Variants in NOTCH2 observed in about 807,000 individuals in gnomAD.
The protein encoded by NOTCH2 is neurogenic locus notch homolog protein 2.
NOTCH2 carries 29 observed loss-of-function variants against 235.8 expected under a neutral mutation model. The observed-to-expected ratio is 0.12, with a 90% CI of 0.09 to 0.17. The LOEUF is 0.17. Ranked by LOEUF, NOTCH2 falls within the 10% of genes least tolerant of loss-of-function variation. The pLI is 1.00. For missense variants in NOTCH2, 2,285 were observed against 3,150.2 expected (o/e 0.73, Z 6.57); for synonymous variants, 1,086 against 1,141.5 (o/e 0.95, Z 0.98).
intron 23 of NOTCH2, among the ~76,000 whole-genome samples, chr1:119,928,410 C>T (rs1291831737): frequency 6.6e-6 from 1 of 152,144 alleles, no homozygotes; most frequent in African/African-American, 2.4e-5. Flanking sequence ...TCTCTGAGTC[C>T]TAGGGGTGGA....
chr1:119,919,933 A>G (rs587769482), intron 30 of NOTCH2, among the ~76,000 whole-genome samples: 1 of 152,350 alleles, frequency 6.6e-6, no homozygotes, highest in South Asian at 2.1e-4. Context: ...TACATGCATA[A>G]GATACTAACT....
intron 22 of NOTCH2, 51 bp downstream of exon 22, chr1:119,935,421 A>G (rs782343792): frequency 1.2e-6 from 2 of 1,614,022 alleles, no homozygotes; most frequent in Non-Finnish European, 1.7e-6. Context: ...GAATGGATTT[A>G]TAACTTAAGA....
intron 1 of NOTCH2, among the ~76,000 whole-genome samples, chr1:120,045,451 A>T (rs868914422): frequency 8.5e-6 from 1 of 117,234 alleles, no homozygotes; most frequent in Non-Finnish European, 1.5e-5. Flanking sequence ...CTTACTTGCT[A>T]GTTAAGGTGG....
intron 17 of NOTCH2, among the ~76,000 whole-genome samples, chr1:119,944,144 AT>A (rs1471881642): frequency 3.3e-5 from 5 of 152,232 alleles, no homozygotes; most frequent in African/African-American, 9.6e-5. Context: ...TTTGAAAAAA[AT>A]AATGGCTAAA....
chr1:119,960,469 A>C (rs1557822854), intron 11 of NOTCH2, among the ~76,000 whole-genome samples: 2 of 150,188 alleles, frequency 1.3e-5, no homozygotes, highest in Non-Finnish European at 3.0e-5. Context: ...ATATATTTGT[A>C]ATATATTTCA....
intron 1 of NOTCH2, among the ~76,000 whole-genome samples, chr1:120,048,305 T>C (rs28406399): frequency 7.2e-6 from 1 of 138,540 alleles, no homozygotes; most frequent in East Asian, 2.0e-4. Flanking sequence ...TATTCTACCC[T>C]TTTTTCCCCC....
At chr1:119,960,785 C>A (rs781938555) in intron 11 of NOTCH2, among the ~76,000 whole-genome samples, 8 of 152,006 alleles carry the variant, frequency 5.3e-5, no homozygotes, top group African/African-American at 1.2e-4. Context: ...GCTATCCCCC[C>A]ACCTCAGCCT....
In NOTCH2 at chr1:119,913,512, C is replaced by T. The variant is rs1648958059; in HGVS notation, c.*1794G>A. ...TATTTTGCAGGTGTCATGGGCATCA[C>T]AGCACTGGACGGAAGTTGCAGTGTA... On this transcript the variant is annotated 3_prime_UTR_variant, in exon 34 of 34. Transcript: ENST00000256646. 8.6e-6 allele frequency: 2 copies of T among 233,264 alleles called. No homozygotes were observed. Among genetic ancestry groups the T allele is most frequent in the East Asian group, 1.2e-4 (2 of 16,578 alleles). 14.4% of individuals were successfully genotyped at this position (233,264 alleles called of 1,614,324 possible). A position where few individuals can be genotyped will look rare whatever the true frequency, so the allele number is the denominator to read the frequency against.
intron 5 of NOTCH2, among the ~76,000 whole-genome samples, chr1:119,971,573 C>A (rs1651362379): frequency 6.6e-6 from 1 of 152,126 alleles, no homozygotes; most frequent in African/African-American, 2.4e-5. Flanking sequence ...GTAAACCCAA[C>A]ATTTTGGGAG....
chr1:119,970,130 G>A (rs1282552744), intron 5 of NOTCH2, among the ~76,000 whole-genome samples: 2 of 152,024 alleles, frequency 1.3e-5, no homozygotes, highest in Non-Finnish European at 2.9e-5. Flanking sequence ...GAACCTATAT[G>A]CCAAACATTA....
chr1:120,029,479 T>A (rs1654009868), intron 2 of NOTCH2, among the ~76,000 whole-genome samples: 1 of 151,076 alleles, frequency 6.6e-6, no homozygotes. Flanking sequence ...GCCTCCCGAG[T>A]AGCTGGGACT....
At chr1:119,948,651 T>A (rs1650346578) in intron 16 of NOTCH2, 85 bp from the exon 17 acceptor site, 1 of 1,471,090 alleles carries the variant, frequency 6.8e-7, no homozygotes, top group Non-Finnish European at 9.5e-7. Context: ...TTAGTTGGGG[T>A]GCATGGAGCT....
At chr1:119,932,615 C>CAAA (rs72280549) in intron 22 of NOTCH2, among the ~76,000 whole-genome samples, 2 of 126,060 alleles carry the variant, frequency 1.6e-5, no homozygotes, top group African/African-American at 3.1e-5. Context: ...AAATATCTAT[C>CAAA]TATCTATCTA....
At position 120,037,657 on chromosome 1, in the gene NOTCH2, T is replaced by C. The variant is rs1182827154; in HGVS notation, c.74-7670A>G. Among the ~76,000 whole-genome samples, 11 of 151,998 alleles carry C rather than the reference T, an allele frequency of 7.2e-5. No individual in the cohort carries two copies. The South Asian group carries it at 8.3e-4, about 11-fold the overall frequency. On this transcript the variant is annotated intron_variant, in intron 1 of 33. Transcript: ENST00000256646. ...AAACATCTGTCTTCCTCCTTGAAAT[T>C]TGTCTTGATTAAAAGGAAAAAAAAA...
At chr1:119,998,105 A>G (rs587601988) in intron 3 of NOTCH2, among the ~76,000 whole-genome samples, 203 of 144,368 alleles carry the variant, frequency 1.4e-3, no homozygotes, top group African/African-American at 5.2e-3. Flanking sequence ...ACATGTGCGC[A>G]AACACAGATA....
At chr1:119,934,878 GA>G (rs1649791806) in intron 22 of NOTCH2, among the ~76,000 whole-genome samples, 1 of 152,148 alleles carries the variant, frequency 6.6e-6, no homozygotes, top group Non-Finnish European at 1.5e-5. Context: ...ACAGCAGAAT[GA>G]TGGCCATACC....
chr1:119,943,635 G>A (rs1650147182), intron 17 of NOTCH2, among the ~76,000 whole-genome samples: 1 of 152,038 alleles, frequency 6.6e-6, no homozygotes, highest in African/African-American at 2.4e-5. Context: ...ATTCAGCATG[G>A]AACAATGTAA....
At chr1:120,048,562 C>T (rs1167068025) in intron 1 of NOTCH2, among the ~76,000 whole-genome samples, 5 of 141,264 alleles carry the variant, frequency 3.5e-5, no homozygotes, top group African/African-American at 1.4e-4. Context: ...AATCCTCCTG[C>T]CTCAGCCTCC....
chr1:120,028,452 C>G, intron 2 of NOTCH2, among the ~76,000 whole-genome samples: 1 of 151,650 alleles, frequency 6.6e-6, no homozygotes, highest in African/African-American at 2.4e-5. Context: ...TTTTTTTTTC[C>G]CCCAGCTAGA....
Sources: gnomAD v4.1 joint callset for allele counts (sites outside exome capture counted in the v4.1 genomes callset) on GRCh38, gnomAD v4.1.1 for gene constraint, MANE v1.5 for transcripts, NCBI Gene and HGNC (gene_info 2026-07-23, HGNC 2026-07-21) for gene names.